ANKRD18A: variants seen among roughly 807,000 people sequenced by gnomAD.
The protein encoded by ANKRD18A is ankyrin repeat domain 18A.
In ANKRD18A, 72 loss-of-function variants were observed where a neutral mutation model predicts 110.6. That is an observed-to-expected ratio of 0.65 (90% CI 0.54 to 0.79). The LOEUF (loss-of-function observed/expected upper bound fraction) is 0.79, where lower values mean the gene tolerates loss of function less well. Ranked by LOEUF, ANKRD18A falls within the 30% of genes least tolerant of loss-of-function variation. The probability of loss-of-function intolerance (pLI) is 0.00; values close to 1 mark genes in which losing one functional copy is unlikely to be tolerated. For missense variants in ANKRD18A, 934 were observed against 1,163.3 expected (o/e 0.80, Z 2.87); for synonymous variants, 305 against 410.3 (o/e 0.74, Z 3.10).
At position 38,596,294 on chromosome 9, in the gene ANKRD18A, A is replaced by G. The variant is rs1321153428; in HGVS notation, c.1046T>C (p.Leu349Pro). The change falls in exon 9 of 16, where the codon CTC becomes CCC. Residue 349 changes from leucine (L) to proline (P), a missense_variant. Physicochemically the swap from Leu to Pro is moderately conservative, Grantham distance 98. This residue lies in a region of ANKRD18A where 630 missense variants were observed against 797.5 expected (regional missense o/e 0.79). Transcript: ENST00000399703. ...CTGAATATATTTCTTTTCCTTTCTG[A>G]GACTGTCATTTTTTATTGCATATAA... ...EELYAIKNDS[L>P]RKEKKYIQEI... 4 of 1,535,278 alleles carry G rather than the reference A, an allele frequency of 2.6e-6. No homozygotes were observed. The highest frequency in any genetic ancestry group is 3.5e-6 in the Non-Finnish European group (4 of 1,142,578).
chr9:38,596,767 A>T (rs990290099), intron 8 of ANKRD18A, among the ~76,000 whole-genome samples: 1 of 152,200 alleles, frequency 6.6e-6, no homozygotes, highest in Non-Finnish European at 1.5e-5. Flanking sequence ...ATACTCTGAT[A>T]TCTAACCCAG....
At chr9:38,567,242 C>CA (rs1405513305), downstream of ANKRD18A, 1 of 152,210 alleles carries the variant, frequency 6.6e-6, no homozygotes, top group Non-Finnish European at 1.5e-5. Context: ...GTTTCCTACA[C>CA]AATTCTATGT....
intron 1 of ANKRD18A, 108 bp from the exon 2 acceptor site, chr9:38,616,152 C>G: frequency 1.2e-6 from 1 of 853,554 alleles, no homozygotes; most frequent in Non-Finnish European, 1.7e-6. Context: ...GCCTTCAAAA[C>G]AAATAATTTT....
At chr9:38,568,865 T>G, downstream of ANKRD18A, 1 of 985,412 alleles carries the variant, frequency 1.0e-6, no homozygotes. Flanking sequence ...ACCCTTTAGG[T>G]ATGGATCTCG....
chr9:38,578,104 A>G lies in ANKRD18A; in HGVS notation c.2292T>C (p.Cys764=), dbSNP rs544529839. Residue 764 remains cysteine, a synonymous_variant, in exon 13 of 16, where the codon TGT becomes TGC. Transcript: ENST00000399703. ...VAEKEAVSSE[C]VNLAKDNEVL... is the part of the protein sequence containing the mutation. ...CTTCATTGTCTTTGGCCAAATTGACACATTCTGAAGACACAGCTTCCTTCT... is the reference window on the plus strand; with the variant it reads ...CTTCATTGTCTTTGGCCAAATTGACGCATTCTGAAGACACAGCTTCCTTCT... 98 of 1,550,222 alleles carry G rather than the reference A, an allele frequency of 6.3e-5. No homozygotes were observed. In the African/African-American group the frequency reaches 1.2e-3, roughly 19 times the overall value.
intron 7 of ANKRD18A, among the ~76,000 whole-genome samples, chr9:38,602,693 T>C (rs2118825539): frequency 6.6e-6 from 1 of 152,314 alleles, no homozygotes; most frequent in East Asian, 1.9e-4. Context: ...TTCTGAGAGA[T>C]GGGGTCTCAC....
Position 38,586,234 on chromosome 9 carries a change from T to C in ANKRD18A, c.2196A>G (p.Leu732=), listed in dbSNP as rs994823923. The C allele has an allele frequency of 6.2e-7, 1 of 1,611,014 alleles. No individual in the cohort carries two copies. Among genetic ancestry groups the C allele is most frequent in the Non-Finnish European group, 8.5e-7 (1 of 1,178,666 alleles). ...TATCCATTTTCAGTTGGTCTGTATT[T>C]AAGTCTCCATGGCAACTGAAGTCCT... ...ANEDFSCHGD[L]NTDQLKMDIL... Residue 732 remains leucine, a synonymous_variant, in exon 12 of 16, where the codon TTA becomes TTG. Coordinates refer to ENST00000399703, the MANE Select transcript of ANKRD18A (RefSeq NM_147195.4).
intron 10 of ANKRD18A, among the ~76,000 whole-genome samples, chr9:38,592,384 T>A (rs1306493242): frequency 6.6e-6 from 1 of 152,234 alleles, no homozygotes; most frequent in Non-Finnish European, 1.5e-5. Flanking sequence ...AATTAAGGGC[T>A]AAGTTGTTCT....
intron 10 of ANKRD18A, among the ~76,000 whole-genome samples, chr9:38,590,666 G>A (rs1310603659): frequency 6.6e-6 from 1 of 152,070 alleles, no homozygotes; most frequent in African/African-American, 2.4e-5. Flanking sequence ...TGAACATCTT[G>A]TTCTAAAGTT....
downstream of ANKRD18A, chr9:38,567,924 G>A (rs1428805023): frequency 2.6e-5 from 4 of 152,400 alleles, no homozygotes; most frequent in Admixed American, 6.5e-5. Flanking sequence ...AGCGCTCGAA[G>A]CCGTCAATTT....
chr9:38,590,311 G>A (rs1488883054), intron 10 of ANKRD18A, among the ~76,000 whole-genome samples: 1 of 151,460 alleles, frequency 6.6e-6, no homozygotes, highest in African/African-American at 2.4e-5. Context: ...AGGCTAGAGT[G>A]CAGTGGTGCC....
chr9:38,573,631 C>A (rs1563952401), intron 15 of ANKRD18A, among the ~76,000 whole-genome samples: 2 of 151,982 alleles, frequency 1.3e-5, no homozygotes, highest in Non-Finnish European at 2.9e-5. Flanking sequence ...AGGAAAATGG[C>A]TTGAACCCAG....
chr9:38,608,447 T>A (rs1334128905), intron 5 of ANKRD18A, among the ~76,000 whole-genome samples: 1 of 151,404 alleles, frequency 6.6e-6, no homozygotes, highest in African/African-American at 2.4e-5. Flanking sequence ...ACATCCCGTG[T>A]GCTACTCAGC....
In ANKRD18A at chr9:38,575,490, T is replaced by G; in HGVS notation, c.2950A>C (p.Asn984His). 1.9e-6 allele frequency: 3 copies of G among 1,551,308 alleles called. No individual in the cohort carries two copies. Among genetic ancestry groups the G allele is most frequent in the Non-Finnish European group, 2.6e-6 (3 of 1,146,758 alleles). ...ATATAACTAACCTCAGTCAAGAAGT[T>G]CTTGCAGTTATTTGAAGTCTGTGGG... Reference protein sequence around the residue: ...SNPQTSNNCKNFLTEVLLC With the variant: ...SNPQTSNNCKHFLTEVLLC Residue 984 changes from asparagine to histidine, a missense_variant, in exon 15 of 16, where the codon AAC becomes CAC. Coordinates refer to ENST00000399703, the MANE Select transcript of ANKRD18A (RefSeq NM_147195.4).
intron 1 of ANKRD18A, among the ~76,000 whole-genome samples, chr9:38,619,415 T>A (rs1399389028): frequency 6.6e-6 from 1 of 152,204 alleles, no homozygotes; most frequent in Non-Finnish European, 1.5e-5. Context: ...TCTGTTCCAT[T>A]TATTTATCTG....
At chr9:38,619,442 T>C (rs1479827003) in intron 1 of ANKRD18A, among the ~76,000 whole-genome samples, 7 of 152,232 alleles carry the variant, frequency 4.6e-5, no homozygotes, top group African/African-American at 1.4e-4. Context: ...CAGCTGTTAG[T>C]AAATAATTAA....
chr9:38,617,553 G>A (rs950747744), intron 1 of ANKRD18A, among the ~76,000 whole-genome samples: 3 of 152,162 alleles, frequency 2.0e-5, no homozygotes, highest in African/African-American at 7.2e-5. Flanking sequence ...CAGAATATAT[G>A]CAAATCAGAC....
intron 6 of ANKRD18A, 149 bp downstream of exon 6, chr9:38,607,277 A>C: frequency 2.2e-6 from 1 of 450,178 alleles, no homozygotes; most frequent in Non-Finnish European, 3.6e-6. Flanking sequence ...GGCTGGTCTC[A>C]AAATCCTGAC....
At chr9:38,576,237 T>G (rs1357560676) in intron 14 of ANKRD18A, among the ~76,000 whole-genome samples, 2 of 152,192 alleles carry the variant, frequency 1.3e-5, no homozygotes, top group African/African-American at 4.8e-5. Context: ...CCCTTGTACA[T>G]TTCACCCATT....
Sources: gnomAD v4.1 joint callset for allele counts (sites outside exome capture counted in the v4.1 genomes callset) on GRCh38, gnomAD v4.1.1 for gene constraint, gnomAD v4.1.1 regional missense constraint, MANE v1.5 for transcripts, NCBI Gene and HGNC (gene_info 2026-07-23, HGNC 2026-07-21) for gene names.